Variants in SPAG9 observed in about 807,000 individuals in gnomAD.
The protein encoded by SPAG9 is sperm associated antigen 9, also known as C-Jun-amino-terminal kinase-interacting protein 4.
In SPAG9, 35 loss-of-function variants were observed where a neutral mutation model predicts 166.5. That is an observed-to-expected ratio of 0.21 (90% CI 0.16 to 0.28). SPAG9 has a LOEUF of 0.28. SPAG9 is among the 10% of genes least tolerant of loss of function. The probability of loss-of-function intolerance (pLI) is 1.00; values close to 1 mark genes in which losing one functional copy is unlikely to be tolerated. For missense variants in SPAG9, 1,235 were observed against 1,603.3 expected, an observed-to-expected ratio of 0.77 and a Z score of 3.92; for synonymous variants, 534 against 565.5, an observed-to-expected ratio of 0.94 and a Z score of 0.79.
chr17:51,102,782 G>C (rs1227462125), intron 1 of SPAG9, among the ~76,000 whole-genome samples: 1 of 152,028 alleles, frequency 6.6e-6, no homozygotes, highest in Non-Finnish European at 1.5e-5. Flanking sequence ...GAGATTACAG[G>C]CATGAGCCAC....
intron 2 of SPAG9, among the ~76,000 whole-genome samples, chr17:51,077,025 G>GCTAGCTAGCTAT (rs1568065363): frequency 0.013 from 1,164 of 86,804 alleles, 32 homozygotes; most frequent in African/African-American, 0.052. Context: ...TAGCTATCTA[G>GCTAGCTAGCTAT]CTATCTATCT....
Position 50,978,812 on chromosome 17 carries a change from T to C in SPAG9, c.3409+934A>G, listed in dbSNP as rs1413141165. On this transcript the variant is annotated intron_variant, in intron 26 of 29. Coordinates refer to ENST00000262013, the MANE Select transcript of SPAG9 (RefSeq NM_001130528.3). ...AGCAAGGAGAGTGTTTGAGAACATGTAAGGTCTCCTGGTCATGTCACCTCA... is the reference window on the plus strand; with the variant it reads ...AGCAAGGAGAGTGTTTGAGAACATGCAAGGTCTCCTGGTCATGTCACCTCA... 2.0e-5 allele frequency among the ~76,000 whole-genome samples: 3 copies of C among 152,058 alleles called. No homozygotes were observed. In the East Asian group the frequency reaches 5.8e-4, roughly 29 times the overall value.
chr17:51,075,550 C>T (rs771215777), intron 2 of SPAG9, among the ~76,000 whole-genome samples: 4 of 152,150 alleles, frequency 2.6e-5, no homozygotes, highest in Non-Finnish European at 4.4e-5. Flanking sequence ...TCTGGTCGAG[C>T]GCAGTGGCTT....
intron 5 of SPAG9, among the ~76,000 whole-genome samples, chr17:51,041,022 C>T (rs891434006): frequency 5.9e-5 from 9 of 152,282 alleles, no homozygotes; most frequent in Middle Eastern, 3.4e-3. Flanking sequence ...ATTTACACCA[C>T]GCCTTTTTAG....
rs541871395 is a variant in SPAG9 at position 51,060,487 on chromosome 17, A to T, written c.425-4005T>A. On this transcript the variant is annotated intron_variant, in intron 2 of 29. Transcript: ENST00000262013. ...CACTGCACTCCAGCCTCGGTGACAG[A>T]GCGGGACTTTGTCTTTTTAAAAAAA... Among the ~76,000 whole-genome samples the T allele has an allele frequency of 2.5e-3, 355 of 141,358 alleles. 3 individuals carry two copies. The highest frequency in any genetic ancestry group is 8.6e-3 in the African/African-American group (317 of 37,056). 92.7% of individuals were successfully genotyped at this position (141,358 alleles called of 152,430 possible).
intron 13 of SPAG9, among the ~76,000 whole-genome samples, chr17:51,000,785 ATAAATAAG>A (rs2044910570): frequency 7.0e-6 from 1 of 142,786 alleles, no homozygotes; most frequent in Non-Finnish European, 1.5e-5. Context: ...AAATAAATAA[ATAAATAAG>A]GTCCACTTTC....
At chr17:51,075,813 G>A (rs1379307961) in intron 2 of SPAG9, among the ~76,000 whole-genome samples, 1 of 152,052 alleles carries the variant, frequency 6.6e-6, no homozygotes, top group Non-Finnish European at 1.5e-5. Flanking sequence ...CACAGAGCCA[G>A]ACTCGGTCTC....
intron 8 of SPAG9, among the ~76,000 whole-genome samples, chr17:51,018,870 C>T (rs1262085220): frequency 1.3e-5 from 2 of 152,242 alleles, no homozygotes; most frequent in South Asian, 4.1e-4. Flanking sequence ...CCTTCACTCC[C>T]GCTTCTTGGT....
At chr17:51,023,276 A>G (rs1046124586) in intron 6 of SPAG9, 2 of 149,554 alleles carry the variant, frequency 1.3e-5, no homozygotes, top group African/African-American at 2.4e-5. Context: ...TAATTATAAT[A>G]CATAATTATA....
chr17:51,113,860 C>T (rs934869775), intron 1 of SPAG9, among the ~76,000 whole-genome samples: 1 of 150,484 alleles, frequency 6.6e-6, no homozygotes, highest in Admixed American at 6.6e-5. Context: ...CCAGGCATGG[C>T]GGCATGATCC....
intron 8 of SPAG9, among the ~76,000 whole-genome samples, chr17:51,019,049 AT>A (rs2045821431): frequency 6.6e-6 from 1 of 152,112 alleles, no homozygotes; most frequent in South Asian, 2.1e-4. Context: ...TATAAACAGG[AT>A]TGGGGTCCTT....
At chr17:50,985,829 GCAT>G in intron 22 of SPAG9, 51 bp from the exon 23 acceptor site, 1 of 1,028,510 alleles carries the variant, frequency 9.7e-7, no homozygotes, top group Non-Finnish European at 1.5e-6. Context: ...TCAAGACATT[GCAT>G]ATATCTAACA....
intron 6 of SPAG9, among the ~76,000 whole-genome samples, chr17:51,028,926 T>C (rs992438449): frequency 6.6e-6 from 1 of 152,186 alleles, no homozygotes; most frequent in African/African-American, 2.4e-5. Context: ...CACTAGCCTA[T>C]CAAATCCTAT....
At chr17:51,046,608 A>G in intron 4 of SPAG9, 1 of 1,535,994 alleles carries the variant, frequency 6.5e-7, no homozygotes, top group Non-Finnish European at 8.7e-7. Flanking sequence ...ATTAATGACC[A>G]CCGCCCCGCC....
At chr17:51,089,957 G>A (rs969839911) in intron 1 of SPAG9, among the ~76,000 whole-genome samples, 21 of 151,234 alleles carry the variant, frequency 1.4e-4, no homozygotes, top group African/African-American at 1.7e-4. Context: ...GATTACAGGC[G>A]TGAGCCACCG....
intron 5 of SPAG9, among the ~76,000 whole-genome samples, chr17:51,038,486 G>A (rs1162812994): frequency 3.9e-5 from 6 of 152,168 alleles, no homozygotes; most frequent in Non-Finnish European, 7.3e-5. Flanking sequence ...AAGGTAAGAT[G>A]AGGACTGAGA....
rs749650447 is a variant in SPAG9 at position 51,007,310 on chromosome 17, A to T, written c.1230T>A (p.Val410=). Residue 410 remains valine, a synonymous_variant, in exon 10 of 30, where the codon GTT becomes GTA. Transcript: ENST00000262013. ...GADLLGMGRE[V]ENLILENTQL... ...GTGTATTTTCTAATATAAGATTCTC[A>T]ACTTCCCGACCCATTCCTATCAAAC... 6.3e-7 allele frequency: 1 copy of T among 1,583,502 alleles called. No individual in the cohort carries two copies. Among genetic ancestry groups the T allele is most frequent in the Non-Finnish European group, 8.6e-7 (1 of 1,161,118 alleles).
At chr17:51,028,412 G>A (rs1303872232) in intron 6 of SPAG9, among the ~76,000 whole-genome samples, 1 of 152,090 alleles carries the variant, frequency 6.6e-6, no homozygotes, top group Non-Finnish European at 1.5e-5. Flanking sequence ...TCCATCCATG[G>A]TAAGTGCCCT....
chr17:51,118,525 G>A (rs779132274), intron 1 of SPAG9, among the ~76,000 whole-genome samples: 4 of 152,184 alleles, frequency 2.6e-5, no homozygotes, highest in Admixed American at 6.6e-5. Context: ...GAGGTAAAAG[G>A]TCATGTCAGG....
Sources: allele counts gnomAD v4.1 joint callset (sites outside exome capture counted in the v4.1 genomes callset), GRCh38; gene constraint gnomAD v4.1.1; transcripts MANE v1.5; gene names NCBI Gene and HGNC (gene_info 2026-07-23, HGNC 2026-07-21).